Variants in RBFOX1 observed in about 807,000 individuals in gnomAD.
RBFOX1 encodes the protein RNA binding protein fox-1 homolog 1.
In RBFOX1, 8 loss-of-function variants were observed where a neutral mutation model predicts 57.7. The ratio of observed to expected loss-of-function variants is 0.14; its 90% CI spans 0.08 to 0.25. RBFOX1 has a LOEUF of 0.25. Among genes scored for constraint, RBFOX1 ranks in the 10% least tolerant of loss-of-function variants. The pLI is 1.00. For missense variants in RBFOX1, 611 were observed against 548.5 expected, an observed-to-expected ratio of 1.11 and a Z score of -1.14; for synonymous variants, 326 against 222.4, an observed-to-expected ratio of 1.47 and a Z score of -4.15.
At chr16:7,426,060 T>C (rs887290436) in intron 4 of RBFOX1, among the ~76,000 whole-genome samples, 1 of 152,204 alleles carries the variant, frequency 6.6e-6, no homozygotes, top group Non-Finnish European at 1.5e-5. Context: ...AAAGCACTAT[T>C]AATAGAAAGG....
At chr16:6,254,848 G>A (rs945205874) in intron 1 of RBFOX1, among the ~76,000 whole-genome samples, 1 of 151,998 alleles carries the variant, frequency 6.6e-6, no homozygotes, top group African/African-American at 2.4e-5. Flanking sequence ...TTCCTGCCCT[G>A]TTCTCTGGGA....
intron 3 of RBFOX1, among the ~76,000 whole-genome samples, chr16:5,763,951 C>T (rs72766941): frequency 0.013 from 2,037 of 152,308 alleles, 25 homozygotes; most frequent in Middle Eastern, 0.02. Flanking sequence ...TCTTTATTCA[C>T]CTGTTTACTC....
intron 2 of RBFOX1, among the ~76,000 whole-genome samples, chr16:6,486,028 T>C (rs2095473253): frequency 6.6e-6 from 1 of 150,586 alleles, no homozygotes; most frequent in East Asian, 1.9e-4. Context: ...TTTTTTTTTT[T>C]CCTCTCTCTA....
At chr16:6,051,554 C>G (rs1198369883) in intron 1 of RBFOX1, among the ~76,000 whole-genome samples, 1 of 152,070 alleles carries the variant, frequency 6.6e-6, no homozygotes. Context: ...GTCTTGAACT[C>G]CTGACCTCAA....
chr16:7,002,841 A>G (rs1208950043), intron 3 of RBFOX1, among the ~76,000 whole-genome samples: 1 of 152,212 alleles, frequency 6.6e-6, no homozygotes, highest in Non-Finnish European at 1.5e-5. Flanking sequence ...AATTAGGCTG[A>G]TAGGAGTTTC....
intron 4 of RBFOX1, among the ~76,000 whole-genome samples, chr16:5,998,126 C>G (rs941358420): frequency 2.2e-4 from 34 of 152,146 alleles, no homozygotes; most frequent in African/African-American, 4.6e-4. Flanking sequence ...AGTTTCAAGT[C>G]TGTATAAACC....
chr16:5,699,191 T>C (rs2050947463), intron 3 of RBFOX1, among the ~76,000 whole-genome samples: 1 of 152,048 alleles, frequency 6.6e-6, no homozygotes, highest in Non-Finnish European at 1.5e-5. Flanking sequence ...TTTCACCATA[T>C]TGGCCAGGCT....
chr16:7,193,774 C>G (rs778829278), intron 4 of RBFOX1, among the ~76,000 whole-genome samples: 10 of 152,166 alleles, frequency 6.6e-5, no homozygotes, highest in Non-Finnish European at 1.5e-4. Context: ...AATATTAGTA[C>G]TAGACTCTAG....
At chr16:5,638,128 C>T (rs2048745047) in intron 3 of RBFOX1, among the ~76,000 whole-genome samples, 1 of 152,206 alleles carries the variant, frequency 6.6e-6, no homozygotes, top group Admixed American at 6.5e-5. Context: ...AGATACAGTG[C>T]TGAGCATTTT....
chr16:5,736,187 C>G (rs945065525), intron 3 of RBFOX1, among the ~76,000 whole-genome samples: 1 of 152,116 alleles, frequency 6.6e-6, no homozygotes, highest in Non-Finnish European at 1.5e-5. Flanking sequence ...AAGCCTGCCA[C>G]CTGGCACCCC....
chr16:5,481,743 G>A (rs1279801059), intron 2 of RBFOX1, among the ~76,000 whole-genome samples: 1 of 152,146 alleles, frequency 6.6e-6, no homozygotes, highest in Non-Finnish European at 1.5e-5. Context: ...CATCATTCTG[G>A]AGGCTGCGAG....
At chr16:5,364,777 C>A (rs974148071) in intron 1 of RBFOX1, among the ~76,000 whole-genome samples, 1 of 128,668 alleles carries the variant, frequency 7.8e-6, no homozygotes, top group Non-Finnish European at 1.7e-5. Flanking sequence ...CCCTGTGAGG[C>A]AGGTGCTGCT....
chr16:6,389,946 C>T (rs1422029173), intron 2 of RBFOX1, among the ~76,000 whole-genome samples: 1 of 152,202 alleles, frequency 6.6e-6, no homozygotes, highest in East Asian at 1.9e-4. Flanking sequence ...TGCAACAGGG[C>T]TGGTGAAGTG....
chr16:7,207,480 G>T (rs755297795), intron 4 of RBFOX1, among the ~76,000 whole-genome samples: 1 of 152,072 alleles, frequency 6.6e-6, no homozygotes, highest in Admixed American at 6.5e-5. Flanking sequence ...TGCAACCCCC[G>T]GACTGGCCCC....
intron 2 of RBFOX1, among the ~76,000 whole-genome samples, chr16:6,540,485 G>A (rs1389936157): frequency 6.6e-5 from 10 of 151,644 alleles, no homozygotes; most frequent in Non-Finnish European, 1.2e-4. Flanking sequence ...GGTGGCATGC[G>A]CATGTAGTCC....
intron 3 of RBFOX1, among the ~76,000 whole-genome samples, chr16:6,924,089 G>T (rs543408957): frequency 5.9e-4 from 89 of 151,762 alleles, no homozygotes; most frequent in Non-Finnish European, 9.7e-4. Context: ...AGAGTCGCTT[G>T]AACCCGGAGG....
intron 3 of RBFOX1, among the ~76,000 whole-genome samples, chr16:6,666,037 A>C (rs2098730573): frequency 6.6e-6 from 1 of 152,158 alleles, no homozygotes; most frequent in Admixed American, 6.5e-5. Context: ...TGATGGTTTT[A>C]TAAGAGGAAA....
intron 4 of RBFOX1, among the ~76,000 whole-genome samples, chr16:5,909,895 A>C (rs773093530): frequency 6.6e-6 from 1 of 152,154 alleles, no homozygotes; most frequent in East Asian, 1.9e-4. Flanking sequence ...TCCACTAAAA[A>C]TACAAAAATT....
At chr16:7,473,784 T>G (rs4141147) in intron 4 of RBFOX1, among the ~76,000 whole-genome samples, 81,156 of 151,726 alleles carry the variant, frequency 0.53, 22,012 homozygotes, top group African/African-American at 0.62. Flanking sequence ...GAATGGAGTG[T>G]GTAGACATTC....
Sources: gnomAD v4.1 joint callset for allele counts (sites outside exome capture counted in the v4.1 genomes callset) on GRCh38, gnomAD v4.1.1 for gene constraint, MANE v1.5 for transcripts, NCBI Gene and HGNC (gene_info 2026-07-23, HGNC 2026-07-21) for gene names.